Variants in OGDH observed in about 807,000 individuals in gnomAD.
OGDH encodes oxoglutarate dehydrogenase.
A neutral mutation model predicts 116.6 loss-of-function variants in OGDH; 38 were observed. The observed-to-expected ratio is 0.33, with a 90% CI of 0.25 to 0.43. The LOEUF (loss-of-function observed/expected upper bound fraction) is 0.43. OGDH is among the 20% of genes least tolerant of loss of function. The pLI, the probability that OGDH is intolerant of heterozygous loss-of-function variation, is 1.00. For missense variants in OGDH, 825 were observed against 1,357.2 expected, an observed-to-expected ratio of 0.61 and a Z score of 6.16; for synonymous variants, 488 against 533.3, an observed-to-expected ratio of 0.92 and a Z score of 1.17.
At chr7:44,704,699 G>GT (rs1049556623) in intron 20 of OGDH, among the ~76,000 whole-genome samples, 22 of 151,318 alleles carry the variant, frequency 1.5e-4, no homozygotes, top group Admixed American at 9.2e-4. Flanking sequence ...GGGTTTGGGT[G>GT]TTTTTTTTGT....
rs746523244 is a variant in OGDH, at chr7:44,694,022, C to T, written c.1515+18C>T. On this transcript the variant is annotated intron_variant, in intron 11 of 22. Coordinates refer to ENST00000222673, the MANE Select transcript of OGDH (RefSeq NM_002541.4). This position sits in a 1 kb window ranked among gnomAD's most constrained non-coding sequence, Gnocchi z 4.2. The stretch of plus-strand genomic sequence containing the variant: ...TCGATTTGGTGAGTGACTCTGGGGA[C>T]AGCACGTCCTGGGCAGAGCATCTGA... 1 of 1,603,746 alleles carries T rather than the reference C, an allele frequency of 6.2e-7. No homozygotes were observed. The highest frequency in any genetic ancestry group is 1.3e-5 in the African/African-American group (1 of 74,930).
intron 10 of OGDH, among the ~76,000 whole-genome samples, chr7:44,691,837 G>A (rs938807242): frequency 1.3e-5 from 2 of 151,564 alleles, no homozygotes; most frequent in East Asian, 3.9e-4. Flanking sequence ...CAAAAAATTA[G>A]CCAGGCATGG....
intron 2 of OGDH, among the ~76,000 whole-genome samples, chr7:44,643,400 A>G (rs1487644096): frequency 6.6e-6 from 1 of 152,224 alleles, no homozygotes; most frequent in Non-Finnish European, 1.5e-5. Context: ...ATATTCTACA[A>G]AAAAGAAAAA....
chr7:44,635,966 A>G (rs1233428733), intron 2 of OGDH, among the ~76,000 whole-genome samples: 1 of 152,188 alleles, frequency 6.6e-6, no homozygotes, highest in African/African-American at 2.4e-5. Flanking sequence ...GCCTCCCAGA[A>G]TGCTGGGATT....
intron 2 of OGDH, among the ~76,000 whole-genome samples, chr7:44,632,776 G>A (rs1363031083): frequency 2.0e-5 from 3 of 151,810 alleles, no homozygotes; most frequent in Non-Finnish European, 2.9e-5. Flanking sequence ...GTGCCACCAC[G>A]CCTGGCTAAT....
intron 19 of OGDH, among the ~76,000 whole-genome samples, chr7:44,700,972 C>G (rs913361600): frequency 6.6e-6 from 1 of 152,124 alleles, no homozygotes; most frequent in Non-Finnish European, 1.5e-5. Context: ...GGCAGTGAGC[C>G]GAGATCGCAC....
chr7:44,637,740 G>C (rs1197908164), intron 2 of OGDH, among the ~76,000 whole-genome samples: 1 of 152,048 alleles, frequency 6.6e-6, no homozygotes, highest in African/African-American at 2.4e-5. Flanking sequence ...AAACCGGGAT[G>C]GGGGTTGGGG....
chr7:44,624,148 C>A (rs1161594190), intron 1 of OGDH, among the ~76,000 whole-genome samples, 169 bp from the exon 2 acceptor site: 2 of 151,748 alleles, frequency 1.3e-5, no homozygotes, highest in African/African-American at 4.8e-5. Flanking sequence ...CAGGGTCTTT[C>A]TCCTCAACAA....
At position 44,623,877 on chromosome 7, in the gene OGDH, C is replaced by G. The variant is rs188373377; in HGVS notation, c.-27-440C>G. ...GCCAGGATGGTCTTGATCTCCTGAC[C>G]TCGTGATCCACCCGCCTTGGCCTCC... On this transcript the variant is annotated intron_variant, in intron 1 of 22. Coordinates refer to ENST00000222673, the MANE Select transcript of OGDH (RefSeq NM_002541.4). 3.3e-5 allele frequency among the ~76,000 whole-genome samples: 5 copies of G among 152,280 alleles called. 1 individual carries two copies. Among genetic ancestry groups the G allele is most frequent in the African/African-American group, 1.2e-4 (5 of 41,532 alleles).
At chr7:44,631,398 G>A (rs1785433535) in intron 2 of OGDH, among the ~76,000 whole-genome samples, 1 of 152,124 alleles carries the variant, frequency 6.6e-6, no homozygotes, top group South Asian at 2.1e-4. Flanking sequence ...CCCAGATAAT[G>A]AACATTGTAC....
chr7:44,668,618 G>A (rs1787289659), intron 5 of OGDH, among the ~76,000 whole-genome samples: 1 of 151,636 alleles, frequency 6.6e-6, no homozygotes, highest in African/African-American at 2.4e-5. Context: ...GTGGCCAGTG[G>A]GATGTATTGG....
intron 4 of OGDH, among the ~76,000 whole-genome samples, chr7:44,650,532 G>T (rs769719590): frequency 1.3e-5 from 2 of 152,158 alleles, no homozygotes; most frequent in Non-Finnish European, 2.9e-5. Flanking sequence ...TATGCTCCAA[G>T]TGGGCTTACT....
chr7:44,664,637 C>T (rs1297844504), intron 4 of OGDH, among the ~76,000 whole-genome samples: 1 of 152,150 alleles, frequency 6.6e-6, no homozygotes, highest in African/African-American at 2.4e-5. Flanking sequence ...TGAGACCTCC[C>T]TAGCTGGTGT....
intron 2 of OGDH, among the ~76,000 whole-genome samples, chr7:44,626,990 T>C (rs1026481619): frequency 1.3e-5 from 2 of 152,148 alleles, no homozygotes; most frequent in Non-Finnish European, 2.9e-5. Context: ...TTTGTTTGTT[T>C]GTTTTTTTGT....
At position 44,694,621 on chromosome 7, in the gene OGDH, C is replaced by T. The variant is rs528675144; in HGVS notation, c.1668+45C>T. On this transcript the variant is annotated intron_variant, in intron 12 of 22. Coordinates refer to ENST00000222673, the MANE Select transcript of OGDH (RefSeq NM_002541.4). The surrounding 1 kb of genome is among the most constrained non-coding windows in gnomAD (Gnocchi z 4.2). ...TCCCAGTGCGCCTTTCCAGGGCTGG[C>T]GATGACTAGAAAAGGTGGGCCACAG... 5.8e-5 allele frequency: 93 copies of T among 1,602,592 alleles called. No individual in the cohort carries two copies. Among genetic ancestry groups the T allele is most frequent in the Non-Finnish European group, 7.3e-5 (85 of 1,170,776 alleles).
At chr7:44,659,721 T>C (rs1786853222) in intron 4 of OGDH, among the ~76,000 whole-genome samples, 1 of 152,196 alleles carries the variant, frequency 6.6e-6, no homozygotes, top group Non-Finnish European at 1.5e-5. Context: ...TTAAATTTCT[T>C]TTTCAACTTC....
chr7:44,681,001 T>A (rs893289241), intron 9 of OGDH, among the ~76,000 whole-genome samples: 2 of 152,182 alleles, frequency 1.3e-5, no homozygotes, highest in South Asian at 4.1e-4. Flanking sequence ...AAGGGAAAGC[T>A]CTTCCTTGCA....
intron 10 of OGDH, among the ~76,000 whole-genome samples, chr7:44,691,577 A>G (rs1005169598): frequency 4.0e-5 from 6 of 151,800 alleles, no homozygotes; most frequent in African/African-American, 1.5e-4. Flanking sequence ...TATTTGCGCT[A>G]CCACAAAGTT....
chr7:44,680,928 G>A (rs1340368655), intron 9 of OGDH, among the ~76,000 whole-genome samples: 2 of 152,148 alleles, frequency 1.3e-5, no homozygotes, highest in Non-Finnish European at 2.9e-5. Context: ...CAATATTAAT[G>A]CAACCTGTCG....
Sources: gnomAD v4.1 joint callset for allele counts (sites outside exome capture counted in the v4.1 genomes callset) on GRCh38, gnomAD v4.1.1 for gene constraint, Gnocchi (gnomAD v3.1) non-coding constraint, MANE v1.5 for transcripts, NCBI Gene and HGNC (gene_info 2026-07-23, HGNC 2026-07-21) for gene names.